The following SYT1 variants were observed in gnomAD, a reference collection of about 807,000 sequenced individuals.
SYT1 encodes the protein synaptotagmin 1.
A neutral mutation model predicts 44.8 loss-of-function variants in SYT1; 8 were observed. That is an observed-to-expected ratio of 0.18 (90% CI 0.10 to 0.32). SYT1 has a LOEUF of 0.32. Among genes scored for constraint, SYT1 ranks in the 10% least tolerant of loss-of-function variants. The pLI, the probability that SYT1 is intolerant of heterozygous loss-of-function variation, is 1.00. For synonymous variants in SYT1, 154 were observed against 188.8 expected (o/e 0.82, Z 1.51); for missense variants, 286 against 509.3 (o/e 0.56, Z 4.22).
At chr12:79,352,767 T>C (rs1334045323) in intron 8 of SYT1, among the ~76,000 whole-genome samples, 1 of 152,206 alleles carries the variant, frequency 6.6e-6, no homozygotes, top group Non-Finnish European at 1.5e-5. Context: ...AATGCCTGAG[T>C]ACAGGACTGT....
At chr12:78,880,359 C>T (rs1003153584) in intron 1 of SYT1, among the ~76,000 whole-genome samples, 2 of 151,598 alleles carry the variant, frequency 1.3e-5, no homozygotes, top group Admixed American at 6.6e-5. Flanking sequence ...CTTTCCTGAC[C>T]AGTCTTGTAG....
intron 5 of SYT1, among the ~76,000 whole-genome samples, chr12:79,289,918 T>C (rs1238353902): frequency 4.0e-5 from 6 of 150,532 alleles, no homozygotes; most frequent in Non-Finnish European, 8.9e-5. Flanking sequence ...GTCACTTTAC[T>C]ATCACGTTAC....
chr12:79,361,352 A>T (rs1476834499), intron 9 of SYT1, among the ~76,000 whole-genome samples: 1 of 152,174 alleles, frequency 6.6e-6, no homozygotes, highest in Non-Finnish European at 1.5e-5. Flanking sequence ...CAGAGCTAGG[A>T]TGTCAACCCA....
chr12:79,446,099 T>C (rs1219419538), intron 10 of SYT1, among the ~76,000 whole-genome samples: 2 of 145,842 alleles, frequency 1.4e-5, no homozygotes, highest in Non-Finnish European at 3.0e-5. Flanking sequence ...AAGAACTTTA[T>C]GAGAAAAGTA....
intron 3 of SYT1, among the ~76,000 whole-genome samples, chr12:79,134,000 A>T (rs561938044): frequency 6.6e-6 from 1 of 152,130 alleles, no homozygotes; most frequent in Non-Finnish European, 1.5e-5. Flanking sequence ...TGAATCTTGA[A>T]GTGCTGGTCA....
intron 2 of SYT1, among the ~76,000 whole-genome samples, chr12:79,019,382 AT>A (rs1872034083): frequency 6.6e-6 from 1 of 152,060 alleles, no homozygotes; most frequent in African/African-American, 2.4e-5. Flanking sequence ...TTGAATTACC[AT>A]CAACATTCCA....
chr12:79,217,015 A>G (rs557244809), intron 3 of SYT1, among the ~76,000 whole-genome samples: 2 of 152,290 alleles, frequency 1.3e-5, no homozygotes, highest in African/African-American at 4.8e-5. Flanking sequence ...ATTATGAATA[A>G]TATTACTTAT....
chr12:79,138,807 A>G (rs1250286245), intron 3 of SYT1, among the ~76,000 whole-genome samples: 1 of 152,150 alleles, frequency 6.6e-6, no homozygotes, highest in Admixed American at 6.5e-5. Context: ...AATACCTTAT[A>G]TTTTGCAAGG....
intron 1 of SYT1, among the ~76,000 whole-genome samples, chr12:78,931,137 G>A: frequency 6.9e-6 from 1 of 145,222 alleles, no homozygotes; most frequent in Non-Finnish European, 1.5e-5. Flanking sequence ...ACTCCAGTCT[G>A]GGCAGCAAGA....
intron 8 of SYT1, among the ~76,000 whole-genome samples, chr12:79,338,572 C>G (rs1882194977): frequency 6.6e-6 from 1 of 151,934 alleles, no homozygotes; most frequent in Non-Finnish European, 1.5e-5. Context: ...CACACCTGAC[C>G]AACTAAAATT....
At chr12:79,036,927 G>A (rs995491380) in intron 2 of SYT1, among the ~76,000 whole-genome samples, 4 of 151,796 alleles carry the variant, frequency 2.6e-5, no homozygotes, top group African/African-American at 9.7e-5. Flanking sequence ...CACAGCTAAT[G>A]AAATCAAGGT....
chr12:79,269,317 A>G (rs901440101), intron 4 of SYT1, among the ~76,000 whole-genome samples: 11 of 152,096 alleles, frequency 7.2e-5, no homozygotes, highest in Admixed American at 7.2e-4. Flanking sequence ...CCAGCTACCT[A>G]TAAATCCTTT....
At chr12:79,007,569 T>C (rs1176312330) in intron 2 of SYT1, among the ~76,000 whole-genome samples, 3 of 152,112 alleles carry the variant, frequency 2.0e-5, no homozygotes, top group Admixed American at 6.6e-5. Flanking sequence ...ATGTCAAATA[T>C]CTAGAATTTA....
At chr12:78,895,157 A>G (rs574064916) in intron 1 of SYT1, among the ~76,000 whole-genome samples, 2 of 151,712 alleles carry the variant, frequency 1.3e-5, no homozygotes, top group East Asian at 1.9e-4. Flanking sequence ...TACTTAGAAA[A>G]TAAATATTTA....
At chr12:79,346,383 A>G (rs1322449819) in intron 8 of SYT1, among the ~76,000 whole-genome samples, 1 of 152,188 alleles carries the variant, frequency 6.6e-6, no homozygotes, top group Non-Finnish European at 1.5e-5. Flanking sequence ...TGTCAGCTGT[A>G]TATTCTAAAA....
rs192968399 is a variant in SYT1 at position 78,975,638 on chromosome 12, C to T, written c.-216-2161C>T. On this transcript the variant is annotated intron_variant, in intron 1 of 10. Coordinates refer to ENST00000261205, the MANE Select transcript of SYT1 (RefSeq NM_005639.3). ...TCTTGCCCCAGACTCTACTTGAAGT[C>T]TGCTGTGCTTGCCTGTAAGCTCATA... Among the ~76,000 whole-genome samples the T allele has an allele frequency of 2.9e-4, 44 of 152,284 alleles. No homozygotes were observed. The East Asian group carries it at 8.1e-3, about 28-fold the overall frequency.
intron 1 of SYT1, among the ~76,000 whole-genome samples, chr12:78,903,575 G>T (rs899150607): frequency 6.6e-6 from 1 of 152,010 alleles, no homozygotes; most frequent in East Asian, 1.9e-4. Context: ...GTGACCCACC[G>T]CACCTGGATA....
intron 9 of SYT1, among the ~76,000 whole-genome samples, chr12:79,377,732 G>T (rs1357838846): frequency 6.6e-6 from 1 of 152,060 alleles, no homozygotes; most frequent in African/African-American, 2.4e-5. Context: ...TTTTGTTCTA[G>T]AATTATTTAG....
intron 8 of SYT1, among the ~76,000 whole-genome samples, chr12:79,323,764 T>A (rs1277271271): frequency 6.6e-6 from 1 of 151,678 alleles, no homozygotes; most frequent in African/African-American, 2.4e-5. Context: ...CATACTTATA[T>A]GGAAAAATGT....
Sources: allele counts gnomAD v4.1 joint callset (sites outside exome capture counted in the v4.1 genomes callset), GRCh38; gene constraint gnomAD v4.1.1; transcripts MANE v1.5; gene names NCBI Gene and HGNC (gene_info 2026-07-23, HGNC 2026-07-21).